SZT2: variants seen among roughly 807,000 people sequenced by gnomAD.
The protein encoded by SZT2 is KICSTOR complex protein SZT2.
A neutral mutation model predicts 404.2 loss-of-function variants in SZT2; 216 were observed. The observed-to-expected ratio is 0.53, with a 90% confidence interval of 0.48 to 0.60. The LOEUF is 0.60. Among genes scored for constraint, SZT2 ranks in the 20% least tolerant of loss-of-function variants. SZT2 has a pLI of 0.00. For synonymous variants in SZT2, 1,693 were observed against 1,749.9 expected (o/e 0.97, Z 0.81); for missense variants, 3,857 against 4,459.2 (o/e 0.86, Z 3.85).
intron 30 of SZT2, 78 bp from the exon 31 acceptor site, chr1:43,430,233 G>A (rs535198988): frequency 1.3e-6 from 2 of 1,576,260 alleles, no homozygotes; most frequent in African/African-American, 1.4e-5. Context: ...TCTAAGGCAA[G>A]ACAAGTGTAA....
chr1:43,417,716 T>C (rs1388965353), intron 7 of SZT2, among the ~76,000 whole-genome samples: 1 of 152,226 alleles, frequency 6.6e-6, no homozygotes, highest in Non-Finnish European at 1.5e-5. Flanking sequence ...CTGCTATTTG[T>C]AGCAGGTAGC....
At position 43,451,281 on chromosome 1, in the gene SZT2, C is replaced by T. The variant is rs368593287; in HGVS notation, c.*801C>T. On this transcript the variant is annotated 3_prime_UTR_variant, in exon 72 of 72. Coordinates refer to ENST00000634258, the MANE Select transcript of SZT2 (RefSeq NM_001365999.1). ...GTGGCCCCGCCTATCCCAGTATGAA[C>T]GTAGCCAACTCAAGCCCTCTACTGT... 9.3e-6 allele frequency: 15 copies of T among 1,613,980 alleles called. No homozygotes were observed. Among genetic ancestry groups the T allele is most frequent in the African/African-American group, 2.7e-5 (2 of 74,930 alleles).
Position 43,424,126 on chromosome 1 carries a change from G to A in SZT2, c.2256-91G>A. The A allele has an allele frequency of 8.8e-7, 1 of 1,132,750 alleles. No homozygotes were observed. Among genetic ancestry groups the A allele is most frequent in the Non-Finnish European group, 1.3e-6 (1 of 795,684 alleles). 70.2% of individuals were successfully genotyped at this position (1,132,750 alleles called of 1,614,324 possible). A position where few individuals can be genotyped will look rare whatever the true frequency, so the allele number is the denominator to read the frequency against. ...TGGTACAGAGGTGTGGAAGGGCGTG[G>A]CTTAGCCAGCTGTGAGTGGTACAGA... On this transcript the variant is annotated intron_variant, in intron 15 of 71. Coordinates refer to ENST00000634258, the MANE Select transcript of SZT2 (RefSeq NM_001365999.1). This position sits in a 1 kb window ranked among gnomAD's most constrained non-coding sequence, Gnocchi z 4.1.
chr1:43,422,962 C>G, intron 14 of SZT2, 79 bp downstream of exon 14: 1 of 1,497,476 alleles, frequency 6.7e-7, no homozygotes, highest in Non-Finnish European at 9.0e-7. Context: ...CCCACAGGGC[C>G]AGGTCTAATA....
Position 43,437,372 on chromosome 1 carries a change from AAGGC to A in SZT2, c.6188-31_6188-28del. 1 of 1,613,926 alleles carries A rather than the reference AAGGC, an allele frequency of 6.2e-7. No homozygotes were observed. Among genetic ancestry groups the A allele is most frequent in the Non-Finnish European group, 8.5e-7 (1 of 1,179,948 alleles). ...AGGTGAGCATTGGAAGGATCTGGAA[AAGGC>A]AGTTTCCTGAGCCCATGTTATTCCC... On this transcript the variant is annotated intron_variant, in intron 43 of 71. Coordinates refer to ENST00000634258, the MANE Select transcript of SZT2 (RefSeq NM_001365999.1). The surrounding 1 kb of genome is among the most constrained non-coding windows in gnomAD (Gnocchi z 5.3).
rs552120419 is a variant in SZT2 at position 43,431,239 on chromosome 1, C to T, written c.4917-26C>T. 3.5e-5 allele frequency: 56 copies of T among 1,583,774 alleles called. 1 individual carries two copies. The South Asian group carries it at 5.7e-4, about 16-fold the overall frequency. Reference sequence around the variant, plus strand: ...CCCTGGTAGGATAGTAACTCCTGACCTTTGACTTGTTCCCACCCTGTTCAG... The same window carrying T: ...CCCTGGTAGGATAGTAACTCCTGACTTTTGACTTGTTCCCACCCTGTTCAG... On this transcript the variant is annotated intron_variant, in intron 33 of 71. Transcript: ENST00000634258.
In SZT2 at chr1:43,446,296, C is replaced by T. The variant is rs1009788444; in HGVS notation, c.8997+37C>T. On this transcript the variant is annotated intron_variant, in intron 64 of 71. Transcript: ENST00000634258. The stretch of plus-strand genomic sequence containing the variant: ...GAGCACTGAGTGGAGACAGCCAGAC[C>T]CACCTGTCTCTCGCCTTCCTGATCT... 23 of 1,614,026 alleles carry T rather than the reference C, an allele frequency of 1.4e-5. No individual in the cohort carries two copies. In the African/African-American group the frequency reaches 2.3e-4, roughly 16 times the overall value.
chr1:43,452,991 A>T lies in SZT2; in HGVS notation c.*2511A>T. 6.3e-7 allele frequency: 1 copy of T among 1,579,066 alleles called. No individual in the cohort carries two copies. ...GGAACACTCAACTTCCTGCCCATCA[A>T]GCAATGCCCACTCCTTGAAGACAGT... On this transcript the variant is annotated 3_prime_UTR_variant, in exon 72 of 72. Coordinates refer to ENST00000634258, the MANE Select transcript of SZT2 (RefSeq NM_001365999.1).
rs1570754995 is a variant in SZT2 at position 43,450,538 on chromosome 1, G to A, written c.*58G>A. The A allele has an allele frequency of 6.2e-7, 1 of 1,605,980 alleles. No homozygotes were observed. Among genetic ancestry groups the A allele is most frequent in the Non-Finnish European group, 8.5e-7 (1 of 1,175,074 alleles). On this transcript the variant is annotated 3_prime_UTR_variant, in exon 72 of 72. Transcript: ENST00000634258. This position sits in a 1 kb window ranked among gnomAD's most constrained non-coding sequence, Gnocchi z 4.3. ...CCTTGAATCATGGGCCTACCAGATTGCCTGCCAGAGGCAGGACTGACCAGC... is the reference window on the plus strand; with the variant it reads ...CCTTGAATCATGGGCCTACCAGATTACCTGCCAGAGGCAGGACTGACCAGC...
chr1:43,398,853 G>A (rs558107389), intron 1 of SZT2, among the ~76,000 whole-genome samples: 2 of 152,204 alleles, frequency 1.3e-5, no homozygotes, highest in South Asian at 2.1e-4. Context: ...AGGTGGAGGC[G>A]GGCAGATCAC....
rs375255354 is a variant in SZT2 at position 43,404,453 on chromosome 1, G to C, written c.401G>C (p.Arg134Pro). The change falls in exon 4 of 72, where the codon CGG becomes CCG. Residue 134 changes from arginine to proline, a missense_variant. Arg to Pro is a moderately radical substitution (Grantham distance 103). This residue lies in a region of SZT2 where 536 missense variants were observed against 637.4 expected (regional missense o/e 0.84). Transcript: ENST00000634258. ...TCCCGCTGCTTAGGCGGGCTGCTTC[G>C]GCCCTTCCGAGTGCCTGGATCTTGC... is the stretch of plus-strand genomic sequence containing the variant. ...ALSRCLGGLL[R>P]PFRVPGSCID... The C allele has an allele frequency of 6.2e-7, 1 of 1,613,976 alleles. No individual in the cohort carries two copies. The highest frequency in any genetic ancestry group is 1.1e-5 in the South Asian group (1 of 91,066).
At position 43,439,348 on chromosome 1, in the gene SZT2, C is replaced by A. The variant is rs776313986; in HGVS notation, c.6793-10C>A. Reference sequence around the variant, plus strand: ...TTGCTCTTAGTGCTCTGTGGCTGTTCTTTCCCCAGCATCCACTCCCACCAC... The same window carrying A: ...TTGCTCTTAGTGCTCTGTGGCTGTTATTTCCCCAGCATCCACTCCCACCAC... On this transcript the variant is annotated splice_polypyrimidine_tract_variant and intron_variant, in intron 48 of 71. Coordinates refer to ENST00000634258, the MANE Select transcript of SZT2 (RefSeq NM_001365999.1). The surrounding 1 kb of genome is among the most constrained non-coding windows in gnomAD (Gnocchi z 4.2). 10 of 1,613,972 alleles carry A rather than the reference C, an allele frequency of 6.2e-6. No homozygotes were observed. Among genetic ancestry groups the A allele is most frequent in the Non-Finnish European group, 8.5e-6 (10 of 1,179,980 alleles).
Position 43,420,695 on chromosome 1 carries a change from C to G in SZT2, c.1262-54C>G. ...TGGGGGTTTCAGATAGAACTCGATCCCAGGCCTAGAGTCCTATGCCTTCTC... is the reference window on the plus strand; with the variant it reads ...TGGGGGTTTCAGATAGAACTCGATCGCAGGCCTAGAGTCCTATGCCTTCTC... On this transcript the variant is annotated intron_variant, in intron 9 of 71. Coordinates refer to ENST00000634258, the MANE Select transcript of SZT2 (RefSeq NM_001365999.1). This position sits in a 1 kb window ranked among gnomAD's most constrained non-coding sequence, Gnocchi z 5.1. 5.3e-6 allele frequency: 8 copies of G among 1,520,618 alleles called. No homozygotes were observed. The highest frequency in any genetic ancestry group is 7.2e-6 in the Non-Finnish European group (8 of 1,113,988). 94.2% of individuals were successfully genotyped at this position (1,520,618 alleles called of 1,614,324 possible).
At position 43,440,036 on chromosome 1, in the gene SZT2, G is replaced by T; in HGVS notation, c.7198G>T (p.Asp2400Tyr). 1.2e-6 allele frequency: 2 copies of T among 1,614,002 alleles called. No homozygotes were observed. Among genetic ancestry groups the T allele is most frequent in the Admixed American group, 1.7e-5 (1 of 60,008 alleles). Residue 2400 changes from aspartate to tyrosine, a missense_variant, in exon 51 of 72, where the codon GAC (aspartate) becomes TAC (tyrosine). Asp to Tyr is a radical substitution (Grantham distance 160). Transcript: ENST00000634258. ...QLLPASLCTE[D>Y]TPTGSLRNGS... Reference sequence around the variant, plus strand: ...GCTGCCAGCTTCACTATGTACAGAGGACACACCCACAGGTATGCAAGTCAA... The same window carrying T: ...GCTGCCAGCTTCACTATGTACAGAGTACACACCCACAGGTATGCAAGTCAA...
In SZT2 at chr1:43,420,049, G is replaced by T; in HGVS notation, c.1091-104G>T. The T allele has an allele frequency of 6.4e-7, 1 of 1,563,834 alleles. No homozygotes were observed. The highest frequency in any genetic ancestry group is 8.6e-7 in the Non-Finnish European group (1 of 1,156,630). ...AAGTGTAACTGGGGCTGGCTCTGCT[G>T]GCACTGTTACCTCACAGTCATTTCA... On this transcript the variant is annotated intron_variant, in intron 8 of 71. Transcript: ENST00000634258. This position sits in a 1 kb window ranked among gnomAD's most constrained non-coding sequence, Gnocchi z 5.1.
chr1:43,396,620 T>C (rs1001217081), intron 1 of SZT2, among the ~76,000 whole-genome samples: 1 of 152,254 alleles, frequency 6.6e-6, no homozygotes, highest in African/African-American at 2.4e-5. Flanking sequence ...TTATACACGT[T>C]ACTTTTTACA....
chr1:43,447,728 C>T (rs779606039), intron 67 of SZT2, 30 bp downstream of exon 67: 10 of 1,611,404 alleles, frequency 6.2e-6, no homozygotes, highest in African/African-American at 2.7e-5. Context: ...CCAGCATGCA[C>T]GCTGCAGGAG....
chr1:43,407,979 C>A (rs893993842), intron 4 of SZT2, among the ~76,000 whole-genome samples: 4 of 151,512 alleles, frequency 2.6e-5, no homozygotes, highest in Non-Finnish European at 5.9e-5. Context: ...ACTACAGGCG[C>A]CCGCCACCAC....
Position 43,421,282 on chromosome 1 carries a change from C to T in SZT2, c.1605C>T (p.Ile535=), listed in dbSNP as rs1339437253. Residue 535 remains isoleucine (I), a synonymous_variant, in exon 11 of 72, where the codon ATC becomes ATT. Transcript: ENST00000634258. ...AGAGCGGAGTGCCACTCTTCTACAT[C>T]CCTCCAGGCTCCACCACCCCGGTGA... The part of the protein sequence containing the change: ...STKSGVPLFY[I]PPGSTTPVLS... The T allele has an allele frequency of 2.5e-6, 4 of 1,598,466 alleles. No individual in the cohort carries two copies. The highest frequency in any genetic ancestry group is 1.7e-5 in the Admixed American group (1 of 60,006).
Sources: allele counts gnomAD v4.1 joint callset (sites outside exome capture counted in the v4.1 genomes callset), GRCh38; gene constraint gnomAD v4.1.1; regional missense constraint gnomAD v4.1.1; non-coding constraint Gnocchi (gnomAD v3.1); transcripts MANE v1.5; gene names NCBI Gene and HGNC (gene_info 2026-07-23, HGNC 2026-07-21).